Variants in RPS6KA2 observed in about 807,000 individuals in gnomAD.
RPS6KA2 encodes the protein ribosomal protein S6 kinase alpha-2.
Under a neutral mutation model 91.8 loss-of-function variants are expected in RPS6KA2, and 42 were observed. The ratio of observed to expected loss-of-function variants is 0.46; its 90% CI spans 0.36 to 0.59. The LOEUF (loss-of-function observed/expected upper bound fraction) is 0.59. Among genes scored for constraint, RPS6KA2 ranks in the 20% least tolerant of loss-of-function variants. The probability of loss-of-function intolerance (pLI) is 0.00; values close to 1 mark genes in which losing one functional copy is unlikely to be tolerated. For missense variants in RPS6KA2, 798 were observed against 978.5 expected (o/e 0.82, Z 2.46); for synonymous variants, 414 against 393.6 (o/e 1.05, Z -0.61).
In RPS6KA2 at chr6:166,647,891, TACAC is replaced by T. The variant is rs752017470; in HGVS notation, c.124-109111_124-109108del. Among the ~76,000 whole-genome samples the T allele has an allele frequency of 4.3e-3, 379 of 88,064 alleles. 1 individual carries two copies. The highest frequency in any genetic ancestry group is 3.8e-3 in the Non-Finnish European group (162 of 43,064). The allele number at this position is 88,064 out of a possible 152,430, so 57.8% of individuals were successfully genotyped here. A position where few individuals can be genotyped will look rare whatever the true frequency, so the allele number is the denominator to read the frequency against. On this transcript the variant is annotated intron_variant, in intron 2 of 21. Coordinates refer to the RPS6KA2 transcript ENST00000503859. ...ACATGCACATGCTGACACACATACA[TACAC>T]ACATGCTCACACACATGCACATGCT...
chr6:166,837,391 C>T (rs547577472), intron 2 of RPS6KA2, among the ~76,000 whole-genome samples: 2 of 152,354 alleles, frequency 1.3e-5, no homozygotes, highest in South Asian at 2.1e-4. Context: ...GGGGTCACTC[C>T]GGACCCTCTC....
intron 13 of RPS6KA2, among the ~76,000 whole-genome samples, chr6:166,450,723 C>T (rs1779880427): frequency 6.9e-6 from 1 of 145,982 alleles, no homozygotes; most frequent in Non-Finnish European, 1.5e-5. Flanking sequence ...CAGGGAACAC[C>T]ATGGGGACCA....
intron 3 of RPS6KA2, among the ~76,000 whole-genome samples, 197 bp from the exon 4 acceptor site, chr6:166,510,554 CATATATATATATAT>C (rs58712416): frequency 0.024 from 1,872 of 78,366 alleles, 37 homozygotes; most frequent in Non-Finnish European, 0.03. Context: ...TTCTCTCTCT[CATATATATATATAT>C]ATATATATAT....
At chr6:166,474,530 G>A (rs1362516537) in intron 10 of RPS6KA2, among the ~76,000 whole-genome samples, 1 of 152,162 alleles carries the variant, frequency 6.6e-6, no homozygotes, top group Non-Finnish European at 1.5e-5. Context: ...CATTAGGAAT[G>A]AGCTAGAAAG....
At chr6:166,793,252 A>T (rs1375993797) in intron 2 of RPS6KA2, among the ~76,000 whole-genome samples, 1 of 149,946 alleles carries the variant, frequency 6.7e-6, no homozygotes, top group Non-Finnish European at 1.5e-5. Flanking sequence ...TCCCATTCAC[A>T]ATTGCTTCAA....
At chr6:166,799,801 T>TGGAACA in intron 2 of RPS6KA2, among the ~76,000 whole-genome samples, 1 of 152,208 alleles carries the variant, frequency 6.6e-6, no homozygotes, top group African/African-American at 2.4e-5. Flanking sequence ...AGGCGGTGTT[T>TGGAACA]GGTTCCATGG....
At chr6:166,761,919 A>T (rs2128603378) in intron 2 of RPS6KA2, among the ~76,000 whole-genome samples, 1 of 152,322 alleles carries the variant, frequency 6.6e-6, no homozygotes, top group East Asian at 1.9e-4. Flanking sequence ...GAGAACAAAG[A>T]GCCCAGGGAG....
intron 1 of RPS6KA2, among the ~76,000 whole-genome samples, chr6:166,573,692 C>T (rs949676969): frequency 2.6e-5 from 4 of 152,208 alleles, no homozygotes; most frequent in South Asian, 2.1e-4. Context: ...GGGTCGTGAC[C>T]GTAAACACCG....
At chr6:166,799,046 G>A (rs565968837) in intron 2 of RPS6KA2, among the ~76,000 whole-genome samples, 5 of 152,250 alleles carry the variant, frequency 3.3e-5, no homozygotes, top group Admixed American at 1.3e-4. Context: ...CAAGCACAAC[G>A]TGCTTTTTGG....
At chr6:166,567,137 C>T (rs1437128401) in intron 1 of RPS6KA2, among the ~76,000 whole-genome samples, 1 of 152,184 alleles carries the variant, frequency 6.6e-6, no homozygotes, top group East Asian at 1.9e-4. Context: ...CTTCGCTGCC[C>T]TTCCGCAGAA....
chr6:166,789,751 A>G (rs988412743), intron 2 of RPS6KA2, among the ~76,000 whole-genome samples: 2 of 152,254 alleles, frequency 1.3e-5, no homozygotes, highest in African/African-American at 4.8e-5. Flanking sequence ...CCAGGCAAAC[A>G]GGGTCTGGAG....
chr6:166,484,795 T>C (rs935339245), intron 10 of RPS6KA2, among the ~76,000 whole-genome samples: 2 of 152,208 alleles, frequency 1.3e-5, no homozygotes, highest in African/African-American at 4.8e-5. Context: ...ACTAAATTAA[T>C]TGAACAAAAA....
chr6:166,467,190 A>G lies in RPS6KA2; in HGVS notation c.972+2651T>C, dbSNP rs1440767312. ...CACTCACTCACTCCCTTACTCATTC[A>G]CTCACTCACTCATTCATTCACTCCC... On this transcript the variant is annotated intron_variant, in intron 11 of 20. Coordinates refer to ENST00000265678, the MANE Select transcript of RPS6KA2 (RefSeq NM_021135.6). Among the ~76,000 whole-genome samples, 6 of 151,682 alleles carry G rather than the reference A, an allele frequency of 4.0e-5. No homozygotes were observed. In the South Asian group the frequency reaches 8.3e-4, roughly 21 times the overall value.
chr6:166,470,108 G>T (rs1392448084), intron 10 of RPS6KA2, among the ~76,000 whole-genome samples: 2 of 152,244 alleles, frequency 1.3e-5, no homozygotes, highest in Non-Finnish European at 2.9e-5. Flanking sequence ...CCGAGGGCTT[G>T]TGAGGCAGAG....
chr6:166,748,653 C>T (rs2128596924), intron 2 of RPS6KA2, among the ~76,000 whole-genome samples: 1 of 84,836 alleles, frequency 1.2e-5, no homozygotes, highest in Non-Finnish European at 2.2e-5. Flanking sequence ...CTTGGGCCCC[C>T]ACCTCCTCAG....
At chr6:166,436,315 G>GAAAA (rs397827258) in intron 14 of RPS6KA2, among the ~76,000 whole-genome samples, 56 of 73,846 alleles carry the variant, frequency 7.6e-4, no homozygotes, top group African/African-American at 2.0e-3. Flanking sequence ...TAAAGCCCCA[G>GAAAA]AAAAAAAAAA....
intron 9 of RPS6KA2, 88 bp from the exon 10 acceptor site, chr6:166,489,009 A>C (rs1182720211): frequency 6.5e-5 from 72 of 1,111,384 alleles, no homozygotes; most frequent in Non-Finnish European, 8.9e-5. Context: ...CAGAGACCTC[A>C]ATCGCAGTCA....
chr6:166,541,655 CCT>C (rs1293943385), intron 1 of RPS6KA2, among the ~76,000 whole-genome samples: 1 of 152,214 alleles, frequency 6.6e-6, no homozygotes, highest in Non-Finnish European at 1.5e-5. Flanking sequence ...ATTGCCATCC[CCT>C]GTTGCCTCCC....
chr6:166,820,621 A>G (rs529118311), intron 2 of RPS6KA2, among the ~76,000 whole-genome samples: 4 of 152,304 alleles, frequency 2.6e-5, no homozygotes, highest in African/African-American at 9.6e-5. Flanking sequence ...AGATCTTTCC[A>G]CTGTAAAGAA....
Sources: gnomAD v4.1 joint callset for allele counts (sites outside exome capture counted in the v4.1 genomes callset) on GRCh38, gnomAD v4.1.1 for gene constraint, MANE v1.5 for transcripts, NCBI Gene and HGNC (gene_info 2026-07-23, HGNC 2026-07-21) for gene names.